The following TIMM44 variants were observed in gnomAD, a reference collection of about 807,000 sequenced individuals.
The protein encoded by TIMM44 is translocase of inner mitochondrial membrane 44, also known as mitochondrial import inner membrane translocase subunit TIM44.
Under a neutral mutation model 63.8 loss-of-function variants are expected in TIMM44, and 37 were observed. That is an observed-to-expected ratio of 0.58 (90% CI 0.45 to 0.76). The LOEUF (loss-of-function observed/expected upper bound fraction) is 0.76. Among genes scored for constraint, TIMM44 ranks in the 30% least tolerant of loss-of-function variants. TIMM44 has a pLI of 0.00. For synonymous variants in TIMM44, 239 were observed against 245.1 expected, an observed-to-expected ratio of 0.98 and a Z score of 0.23; for missense variants, 573 against 603.8, an observed-to-expected ratio of 0.95 and a Z score of 0.54.
intron 10 of TIMM44, among the ~76,000 whole-genome samples, chr19:7,930,003 C>A (rs1983935064): frequency 6.6e-6 from 1 of 152,060 alleles, no homozygotes; most frequent in South Asian, 2.1e-4. Context: ...CGCCCACCAC[C>A]AGGCCTGGCT....
chr19:7,937,156 G>T (rs1173987761), intron 3 of TIMM44, among the ~76,000 whole-genome samples: 2 of 152,124 alleles, frequency 1.3e-5, no homozygotes, highest in African/African-American at 4.8e-5. Flanking sequence ...GCGGGCGCCT[G>T]TAATCCCAGC....
chr19:7,938,534 C>T lies in TIMM44; in HGVS notation c.142-337G>A, dbSNP rs142224318. Reference sequence around the variant, plus strand: ...CCCTATTTAAAAAACAGGCTGGGCGCGGTGGTTCACGCCTGTAATCCCAGT... The same window carrying T: ...CCCTATTTAAAAAACAGGCTGGGCGTGGTGGTTCACGCCTGTAATCCCAGT... On this transcript the variant is annotated intron_variant, in intron 2 of 12. Transcript: ENST00000270538. Among the ~76,000 whole-genome samples the T allele has an allele frequency of 3.2e-3, 488 of 152,170 alleles. 7 individuals carry two copies. Among genetic ancestry groups the T allele is most frequent in the Admixed American group, 0.023 (357 of 15,278 alleles).
Position 7,942,074 on chromosome 19 carries a change from C to T in TIMM44, c.46-877G>A, listed in dbSNP as rs1483263071. 2.0e-5 allele frequency among the ~76,000 whole-genome samples: 3 copies of T among 152,150 alleles called. 1 individual carries two copies. The South Asian group carries it at 6.2e-4, about 32-fold the overall frequency. ...ATGTAAAAGGCACTTGCTGGCTGGG[C>T]GCGGTGGCTCACGCCAGTAATCCCA... On this transcript the variant is annotated intron_variant, in intron 1 of 12. Transcript: ENST00000270538.
chr19:7,932,942 A>G lies in TIMM44; in HGVS notation c.770-10T>C. The G allele has an allele frequency of 6.2e-7, 1 of 1,612,942 alleles. No individual in the cohort carries two copies. Among genetic ancestry groups the G allele is most frequent in the South Asian group, 1.1e-5 (1 of 91,060 alleles). On this transcript the variant is annotated splice_polypyrimidine_tract_variant and intron_variant, in intron 7 of 12. Transcript: ENST00000270538. ...TTCATCTCGAAGAACCCTGTGGAAG[A>G]TGGGGTAGGTGCTGGAGAAGGGGCC...
chr19:7,930,337 C>T (rs1213116121), intron 10 of TIMM44, among the ~76,000 whole-genome samples: 2 of 125,008 alleles, frequency 1.6e-5, no homozygotes, highest in African/African-American at 3.1e-5. Flanking sequence ...GAGACAGAAT[C>T]TTGCTCTGTT....
chr19:7,934,367 T>G lies in TIMM44; in HGVS notation c.394-129A>C, dbSNP rs1984080725. Reference sequence around the variant, plus strand: ...CCCCGAGGCCGGCAGAGGCCTTCTGTGCTCCTGTGGTACGCGGCACCCCCA... The same window carrying G: ...CCCCGAGGCCGGCAGAGGCCTTCTGGGCTCCTGTGGTACGCGGCACCCCCA... On this transcript the variant is annotated intron_variant, in intron 4 of 12. Transcript: ENST00000270538. This position sits in a 1 kb window ranked among gnomAD's most constrained non-coding sequence, Gnocchi z 5.3. 8 of 1,276,880 alleles carry G rather than the reference T, an allele frequency of 6.3e-6. No individual in the cohort carries two copies. The South Asian group carries it at 9.8e-5, about 16-fold the overall frequency. 79.1% of individuals were successfully genotyped at this position (1,276,880 alleles called of 1,614,324 possible).
chr19:7,942,645 T>C (rs1040135397), intron 1 of TIMM44, among the ~76,000 whole-genome samples: 3 of 151,108 alleles, frequency 2.0e-5, no homozygotes, highest in African/African-American at 7.3e-5. Context: ...CTATCTCCTG[T>C]ATTTACTTGA....
At chr19:7,936,391 G>A (rs921366114) in intron 3 of TIMM44, among the ~76,000 whole-genome samples, 1 of 152,162 alleles carries the variant, frequency 6.6e-6, no homozygotes, top group Non-Finnish European at 1.5e-5. Flanking sequence ...GGCGGAGGTT[G>A]CAGTGAGCCG....
In TIMM44 at chr19:7,941,144, C is replaced by T; in HGVS notation, c.99G>A (p.Gly33=). The change falls in exon 2 of 13, where the codon GGG becomes GGA. Residue 33 remains glycine, a synonymous_variant. Coordinates refer to ENST00000270538, the MANE Select transcript of TIMM44 (RefSeq NM_006351.4). ...QFLSSHNLPH[G]STYQMRRPGG... ...CCGGCCGGCGCATCTGATAGGTCGA[C>T]CCATGGGGTAGGTTGTGGCTGGAAA... 1 of 1,614,128 alleles carries T rather than the reference C, an allele frequency of 6.2e-7. No individual in the cohort carries two copies. The highest frequency in any genetic ancestry group is 8.5e-7 in the Non-Finnish European group (1 of 1,180,012).
At chr19:7,935,387 A>C in intron 3 of TIMM44, 1 of 492,824 alleles carries the variant, frequency 2.0e-6, no homozygotes, top group Non-Finnish European at 3.7e-6. Flanking sequence ...CTGGTCTCAA[A>C]CTTCTGACCT....
chr19:7,926,748 TCC>T lies in TIMM44; in HGVS notation c.*437_*438del, dbSNP rs1346488970. ...TTCTGCAATTCGGTGTTTTATTCTT[TCC>T]AAATCTCAGGCTTATGCACAAGATG... is the stretch of plus-strand genomic sequence containing the variant. On this transcript the variant is annotated 3_prime_UTR_variant, in exon 13 of 13. Coordinates refer to ENST00000270538, the MANE Select transcript of TIMM44 (RefSeq NM_006351.4). The T allele has an allele frequency of 6.4e-5, 15 of 234,770 alleles. No individual in the cohort carries two copies. Among genetic ancestry groups the T allele is most frequent in the Non-Finnish European group, 9.5e-5 (11 of 115,592 alleles). 14.5% of individuals were successfully genotyped at this position (234,770 alleles called of 1,614,324 possible).
intron 2 of TIMM44, 53 bp downstream of exon 2, chr19:7,941,049 G>A: frequency 6.8e-7 from 1 of 1,476,156 alleles, no homozygotes; most frequent in Non-Finnish European, 9.5e-7. Context: ...AATGGGATCT[G>A]AATTTTCGGG....
At chr19:7,942,451 G>C (rs1308567348) in intron 1 of TIMM44, among the ~76,000 whole-genome samples, 1 of 151,254 alleles carries the variant, frequency 6.6e-6, no homozygotes, top group Non-Finnish European at 1.5e-5. Context: ...AAAAAAAAAA[G>C]CTCTGTGCAG....
chr19:7,932,657 G>C lies in TIMM44; in HGVS notation c.957C>G (p.Cys319Trp). The C allele has an allele frequency of 6.2e-7, 1 of 1,614,052 alleles. No homozygotes were observed. The highest frequency in any genetic ancestry group is 8.5e-7 in the Non-Finnish European group (1 of 1,180,006). The change falls in exon 9 of 13, where the codon TGC (cysteine) becomes TGG (tryptophan). Residue 319 changes from cysteine to tryptophan, a missense_variant. Physicochemically the swap from Cys to Trp is radical, Grantham distance 215. Transcript: ENST00000270538. ...GGACATTGGGGATGATGTCGTTCTC[G>C]CACTGTTTCAGAAACCGGTCCTTGT... ...AFDKDRFLKQCENDIIPNVLE... is the reference protein window; with the variant it reads ...AFDKDRFLKQWENDIIPNVLE...
At chr19:7,941,046 T>C in intron 2 of TIMM44, 56 bp downstream of exon 2, 1 of 1,415,044 alleles carries the variant, frequency 7.1e-7, no homozygotes, top group Non-Finnish European at 1.0e-6. Context: ...GCCAATGGGA[T>C]CTGAATTTTC....
Position 7,934,294 on chromosome 19 carries a change from C to CGGG in TIMM44, c.394-59_394-57dup. 6.3e-7 allele frequency: 1 copy of CGGG among 1,599,428 alleles called. No homozygotes were observed. Among genetic ancestry groups the CGGG allele is most frequent in the East Asian group, 2.2e-5 (1 of 44,838 alleles). ...GGCACCGGCCCTGGCGGCCGGGGGG[C>CGGG]GGGGCAGGAGGAATGAATTCCTGCC... On this transcript the variant is annotated intron_variant, in intron 4 of 12. Coordinates refer to ENST00000270538, the MANE Select transcript of TIMM44 (RefSeq NM_006351.4). The surrounding 1 kb of genome is among the most constrained non-coding windows in gnomAD (Gnocchi z 5.3).
intron 12 of TIMM44, 107 bp downstream of exon 12, chr19:7,927,550 G>T: frequency 8.0e-7 from 1 of 1,248,130 alleles, no homozygotes; most frequent in Non-Finnish European, 1.2e-6. Context: ...TCCCCACCCA[G>T]TCCCAGAGCT....
intron 10 of TIMM44, among the ~76,000 whole-genome samples, chr19:7,930,373 A>T (rs1983946732): frequency 7.2e-6 from 1 of 139,114 alleles, no homozygotes; most frequent in Non-Finnish European, 1.5e-5. Flanking sequence ...CAGTGGCGCG[A>T]CCTCAGCTCA....
Position 7,934,110 on chromosome 19 carries a change from C to CGCT in TIMM44, c.519_521dup (p.Ala175dup). The CGCT allele has an allele frequency of 6.2e-7, 1 of 1,613,272 alleles. No homozygotes were observed. Among genetic ancestry groups the CGCT allele is most frequent in the African/African-American group, 1.3e-5 (1 of 75,032 alleles). On this transcript the variant is annotated inframe_insertion, in exon 5 of 13. Transcript: ENST00000270538. The surrounding 1 kb of genome is among the most constrained non-coding windows in gnomAD (Gnocchi z 5.3). Reference sequence around the variant, plus strand: ...TCACCTGGGAGAGGGCTCTGAAGGCCGCTGTCCTGCCCAGCTTCTCCCCGC... The same window carrying CGCT: ...TCACCTGGGAGAGGGCTCTGAAGGCCGCTGCTGTCCTGCCCAGCTTCTCCCCGC...
Sources: allele counts gnomAD v4.1 joint callset (sites outside exome capture counted in the v4.1 genomes callset), GRCh38; gene constraint gnomAD v4.1.1; non-coding constraint Gnocchi (gnomAD v3.1); transcripts MANE v1.5; gene names NCBI Gene and HGNC (gene_info 2026-07-23, HGNC 2026-07-21).